TFDP2: variants seen among roughly 807,000 people sequenced by gnomAD.
TFDP2 encodes transcription factor Dp-2 (E2F dimerization partner 2).
TFDP2 carries 17 observed loss-of-function variants against 59.3 expected under a neutral mutation model. The observed-to-expected ratio is 0.29, with a 90% confidence interval of 0.20 to 0.43. TFDP2 has a LOEUF of 0.43. TFDP2 is among the 20% of genes least tolerant of loss of function. The pLI is 1.00. For synonymous variants in TFDP2, 180 were observed against 194.7 expected (o/e 0.92, Z 0.63); for missense variants, 391 against 528.8 (o/e 0.74, Z 2.56).
Position 141,977,112 on chromosome 3 carries a change from T to A in TFDP2, c.519+1408A>T, listed in dbSNP as rs370644712. Among the ~76,000 whole-genome samples, 401 of 89,480 alleles carry A rather than the reference T, an allele frequency of 4.5e-3. 2 individuals are homozygous for A. The highest frequency in any genetic ancestry group is 0.022 in the Middle Eastern group (4 of 182). The allele number at this position is 89,480 out of a possible 152,430, so 58.7% of individuals were successfully genotyped here. On this transcript the variant is annotated intron_variant, in intron 7 of 12. Transcript: ENST00000489671. ...GCCATATATATATATATATATTTTT[T>A]TTTTTTTTTTTTTTTTCCCCCCAAA...
chr3:142,043,871 T>C, intron 3 of TFDP2: 2 of 1,193,078 alleles, frequency 1.7e-6, no homozygotes, highest in South Asian at 1.2e-5. Context: ...TGGCGATCAA[T>C]CTTCTTAGAT....
intron 1 of TFDP2, among the ~76,000 whole-genome samples, chr3:142,119,497 C>G (rs1278757614): frequency 1.3e-5 from 2 of 152,118 alleles, no homozygotes; most frequent in African/African-American, 2.4e-5. Flanking sequence ...TCAAGGCCAT[C>G]AAAAAACAGT....
intron 11 of TFDP2, among the ~76,000 whole-genome samples, chr3:141,958,828 CT>C (rs1184173738): frequency 6.6e-6 from 1 of 151,998 alleles, no homozygotes; most frequent in East Asian, 1.9e-4. Context: ...CTTTTTTCCC[CT>C]GACATTTAAA....
intron 4 of TFDP2, among the ~76,000 whole-genome samples, chr3:142,001,843 C>T (rs1439225462): frequency 6.6e-6 from 1 of 152,132 alleles, no homozygotes; most frequent in African/African-American, 2.4e-5. Context: ...TCAGTGAAGT[C>T]CCTTGCCACT....
intron 3 of TFDP2, among the ~76,000 whole-genome samples, chr3:142,091,734 T>C (rs2061002449): frequency 6.6e-6 from 1 of 152,170 alleles, no homozygotes; most frequent in Admixed American, 6.5e-5. Flanking sequence ...GGTTTCAGGA[T>C]GAAACTGTTC....
chr3:142,084,951 C>T (rs924345855), intron 3 of TFDP2, among the ~76,000 whole-genome samples: 5 of 151,866 alleles, frequency 3.3e-5, no homozygotes, highest in Admixed American at 6.6e-5. Flanking sequence ...GACAGAGACT[C>T]GCTCTGTCGC....
intron 3 of TFDP2, among the ~76,000 whole-genome samples, chr3:142,054,453 GT>G (rs1243877041): frequency 2.6e-5 from 4 of 152,092 alleles, no homozygotes; most frequent in Admixed American, 6.5e-5. Flanking sequence ...TTAGTAGCTG[GT>G]TTTGCCTATA....
intron 6 of TFDP2, among the ~76,000 whole-genome samples, chr3:141,981,730 T>C (rs1279064942): frequency 6.6e-6 from 1 of 152,132 alleles, no homozygotes; most frequent in Non-Finnish European, 1.5e-5. Context: ...GAATCAGAAT[T>C]AGTAACAGTA....
chr3:142,070,991 G>T (rs2060227783), intron 3 of TFDP2, among the ~76,000 whole-genome samples: 1 of 152,162 alleles, frequency 6.6e-6, no homozygotes, highest in Non-Finnish European at 1.5e-5. Context: ...GGAGTGGCAT[G>T]AAAGATGGTG....
rs527333522 is a variant in TFDP2, at chr3:142,094,826, T to A, written c.16-1699A>T. Among the ~76,000 whole-genome samples, 223 of 152,234 alleles carry A rather than the reference T, an allele frequency of 1.5e-3. 1 individual carries two copies. Among genetic ancestry groups the A allele is most frequent in the Middle Eastern group, 6.8e-3 (2 of 294 alleles). The stretch of plus-strand genomic sequence containing the variant: ...TGTGTTGCGAAGATTCAATTTAAGA[T>A]CTATCCTTTTAGCAAATTACAAGCA... On this transcript the variant is annotated intron_variant, in intron 2 of 12. Transcript: ENST00000489671.
chr3:142,064,191 A>G lies in TFDP2; in HGVS notation c.82+28870T>C, dbSNP rs575748136. On this transcript the variant is annotated intron_variant, in intron 3 of 12. Transcript: ENST00000489671. Reference sequence around the variant, plus strand: ...GGTCTCGAACTCCTGGGCTCAAGCGATCTGTCCACCTCGGCCTCCCAAATG... The same window carrying G: ...GGTCTCGAACTCCTGGGCTCAAGCGGTCTGTCCACCTCGGCCTCCCAAATG... Among the ~76,000 whole-genome samples the G allele has an allele frequency of 3.2e-4, 48 of 152,258 alleles. No homozygotes were observed. The Middle Eastern group carries it at 0.017, about 54-fold the overall frequency.
intron 3 of TFDP2, among the ~76,000 whole-genome samples, chr3:142,012,055 C>G (rs1267006826): frequency 6.6e-6 from 1 of 150,444 alleles, no homozygotes. Context: ...CTCTGTCACC[C>G]AGGCTGGAGT....
At chr3:142,019,166 T>C (rs1484395990) in intron 3 of TFDP2, among the ~76,000 whole-genome samples, 1 of 151,872 alleles carries the variant, frequency 6.6e-6, no homozygotes, top group Non-Finnish European at 1.5e-5. Context: ...CCAGGTTCAA[T>C]GGATTCTCCT....
chr3:141,967,003 G>A (rs887661458), intron 9 of TFDP2, among the ~76,000 whole-genome samples: 2 of 149,416 alleles, frequency 1.3e-5, no homozygotes, highest in Non-Finnish European at 3.0e-5. Flanking sequence ...TGCAACCTCC[G>A]CCTCCCGGGT....
intron 1 of TFDP2, among the ~76,000 whole-genome samples, chr3:142,120,403 T>C (rs567513977): frequency 6.6e-6 from 1 of 152,276 alleles, no homozygotes; most frequent in East Asian, 1.9e-4. Context: ...AATGATATAG[T>C]GTTACGTTTT....
rs1576434847 is a variant in TFDP2 at position 141,952,936 on chromosome 3, T to C, written c.1132A>G (p.Thr378Ala). 8 of 1,614,052 alleles carry C rather than the reference T, an allele frequency of 5.0e-6. No homozygotes were observed. The highest frequency in any genetic ancestry group is 5.9e-6 in the Non-Finnish European group (7 of 1,179,978). Residue 378 changes from threonine to alanine, a missense_variant, in exon 12 of 13, where the codon ACT (threonine) becomes GCT (alanine). This residue lies in a region of TFDP2 where 223 missense variants were observed against 292.5 expected (regional missense o/e 0.76). Coordinates refer to ENST00000489671, the MANE Select transcript of TFDP2 (RefSeq NM_001178139.2). ...TQSVSNLDLT[T>A]GATLPQSSVN... ...CTTGACTGGGGTAAGGTGGCACCAG[T>C]GGTCAGGTCTAAATTTGAAACTGAT...
intron 3 of TFDP2, among the ~76,000 whole-genome samples, chr3:142,009,273 T>A (rs1321536821): frequency 6.6e-6 from 1 of 152,214 alleles, no homozygotes; most frequent in Non-Finnish European, 1.5e-5. Context: ...CAACCCTTAT[T>A]ATTTTTCCAA....
chr3:142,099,539 T>G (rs986200790), intron 2 of TFDP2, among the ~76,000 whole-genome samples: 1 of 151,938 alleles, frequency 6.6e-6, no homozygotes, highest in South Asian at 2.1e-4. Flanking sequence ...CCGTCTCTAC[T>G]AAAAATACAA....
At chr3:142,098,278 A>G (rs1296404161) in intron 2 of TFDP2, among the ~76,000 whole-genome samples, 1 of 151,526 alleles carries the variant, frequency 6.6e-6, no homozygotes, top group Non-Finnish European at 1.5e-5. Context: ...GCAAAAAAAA[A>G]AAACCCTCAA....
Sources: allele counts gnomAD v4.1 joint callset (sites outside exome capture counted in the v4.1 genomes callset), GRCh38; gene constraint gnomAD v4.1.1; regional missense constraint gnomAD v4.1.1; transcripts MANE v1.5; gene names NCBI Gene and HGNC (gene_info 2026-07-23, HGNC 2026-07-21).